Variants in AK9 observed in about 807,000 individuals in gnomAD.
The protein encoded by AK9 is adenylate kinase domain containing 1.
In AK9, 191 loss-of-function variants were observed where a neutral mutation model predicts 239.6. The ratio of observed to expected loss-of-function variants is 0.80; its 90% CI spans 0.71 to 0.90. AK9 has a LOEUF of 0.90. Among genes scored for constraint, AK9 ranks in the 40% least tolerant of loss-of-function variants. AK9 has a pLI of 0.00. For synonymous variants in AK9, 689 were observed against 721.0 expected, an observed-to-expected ratio of 0.96 and a Z score of 0.71; for missense variants, 1,995 against 2,214.7, an observed-to-expected ratio of 0.90 and a Z score of 1.99.
intron 17 of AK9, among the ~76,000 whole-genome samples, chr6:109,598,661 A>G (rs1791423911): frequency 1.3e-5 from 2 of 152,186 alleles, no homozygotes; most frequent in Non-Finnish European, 2.9e-5. Context: ...TGTCTTCCAC[A>G]ATGGTTGAAC....
intron 27 of AK9, among the ~76,000 whole-genome samples, chr6:109,538,127 G>A (rs1161866081): frequency 3.9e-5 from 6 of 152,148 alleles, no homozygotes; most frequent in African/African-American, 1.4e-4. Flanking sequence ...AGGTCCACTT[G>A]GTGTAGAGCT....
At chr6:109,603,235 T>C (rs545252386) in intron 17 of AK9, among the ~76,000 whole-genome samples, 1 of 152,312 alleles carries the variant, frequency 6.6e-6, no homozygotes, top group South Asian at 2.1e-4. Context: ...GATGGTGACG[T>C]ACAGATGAGG....
chr6:109,592,127 A>G (rs1223484285), intron 17 of AK9, among the ~76,000 whole-genome samples: 1 of 149,744 alleles, frequency 6.7e-6, no homozygotes, highest in Non-Finnish European at 1.5e-5. Flanking sequence ...TACATTTTCT[A>G]GGATTTGACA....
intron 24 of AK9, among the ~76,000 whole-genome samples, chr6:109,553,432 T>C (rs930919490): frequency 6.6e-6 from 1 of 152,120 alleles, no homozygotes; most frequent in African/African-American, 2.4e-5. Context: ...TTGTTAGCTG[T>C]ATTCCTAGGT....
At chr6:109,599,201 G>C (rs536231063) in intron 17 of AK9, among the ~76,000 whole-genome samples, 58 of 152,230 alleles carry the variant, frequency 3.8e-4, no homozygotes, top group African/African-American at 1.3e-3. Flanking sequence ...GGTTTTTATG[G>C]TTTTAGGTCT....
At chr6:109,641,125 A>G (rs926100574) in intron 10 of AK9, among the ~76,000 whole-genome samples, 2 of 137,636 alleles carry the variant, frequency 1.5e-5, no homozygotes, top group African/African-American at 5.3e-5. Flanking sequence ...GCCACAACAT[A>G]CATATATATA....
At chr6:109,553,564 T>C (rs904766793) in intron 24 of AK9, among the ~76,000 whole-genome samples, 1 of 152,206 alleles carries the variant, frequency 6.6e-6, no homozygotes, top group African/African-American at 2.4e-5. Context: ...ATCCTGAGAC[T>C]TTGCTGAAGT....
At chr6:109,645,522 G>A (rs1230048335) in intron 8 of AK9, among the ~76,000 whole-genome samples, 1 of 152,216 alleles carries the variant, frequency 6.6e-6, no homozygotes, top group Non-Finnish European at 1.5e-5. Context: ...ATCCGCCATT[G>A]CTGAGGCTTG....
chr6:109,611,359 A>C (rs1279642412), intron 16 of AK9, among the ~76,000 whole-genome samples: 1 of 152,222 alleles, frequency 6.6e-6, no homozygotes, highest in Non-Finnish European at 1.5e-5. Flanking sequence ...GAGCGGGTGC[A>C]TAGTGAAGCA....
At chr6:109,581,466 T>C (rs2128207900) in intron 19 of AK9, among the ~76,000 whole-genome samples, 1 of 152,308 alleles carries the variant, frequency 6.6e-6, no homozygotes, top group East Asian at 1.9e-4. Context: ...ACTATTGATA[T>C]GGAGAAAGTT....
Position 109,633,099 on chromosome 6 carries a change from G to T in AK9, c.1078C>A (p.Leu360Ile). ...SGLPDYSVSFLGKIYCLSSEE... is the reference protein window; with the variant it reads ...SGLPDYSVSFIGKIYCLSSEE... ...GATGAAAGACAGTAGATTTTACCTA[G>T]AAAACTTAAAATATGCCATATTAGT... is the stretch of plus-strand genomic sequence containing the variant. The change falls in exon 12 of 41, where the codon CTA becomes ATA. Residue 360 changes from leucine (L) to isoleucine (I), a missense_variant. By Grantham distance (5) the Leu-to-Ile change is conservative. Coordinates refer to ENST00000424296, the MANE Select transcript of AK9 (RefSeq NM_001145128.3). The T allele has an allele frequency of 1.3e-6, 2 of 1,545,784 alleles. No individual in the cohort carries two copies. The highest frequency in any genetic ancestry group is 1.7e-6 in the Non-Finnish European group (2 of 1,154,164).
Position 109,493,301 on chromosome 6 carries a change from C to T in AK9, c.*68G>A. 1 of 1,509,000 alleles carries T rather than the reference C, an allele frequency of 6.6e-7. No individual in the cohort carries two copies. The highest frequency in any genetic ancestry group is 9.1e-7 in the Non-Finnish European group (1 of 1,100,742). The allele number at this position is 1,509,000 out of a possible 1,614,324, so 93.5% of individuals were successfully genotyped here. ...CCAAGAGGCCCAGATTTTCAATCTA[C>T]TTCTCTCAGTTTCCCTCTATCACTT... On this transcript the variant is annotated 3_prime_UTR_variant, in exon 41 of 41. Coordinates refer to ENST00000424296, the MANE Select transcript of AK9 (RefSeq NM_001145128.3).
At chr6:109,657,884 G>A (rs1160405027) in intron 7 of AK9, among the ~76,000 whole-genome samples, 1 of 152,074 alleles carries the variant, frequency 6.6e-6, no homozygotes, top group Non-Finnish European at 1.5e-5. Flanking sequence ...CACAGGATAA[G>A]TGTTCCATAT....
intron 31 of AK9, among the ~76,000 whole-genome samples, chr6:109,515,580 C>T (rs1210404154): frequency 1.3e-5 from 2 of 152,050 alleles, no homozygotes; most frequent in Non-Finnish European, 2.9e-5. Context: ...AATTCTTGGG[C>T]TAGAGTGAAG....
At chr6:109,576,038 T>C (rs1429269639) in intron 20 of AK9, among the ~76,000 whole-genome samples, 1 of 152,328 alleles carries the variant, frequency 6.6e-6, no homozygotes, top group East Asian at 1.9e-4. Context: ...TATGTGCCAA[T>C]TTTTATAGCA....
intron 10 of AK9, among the ~76,000 whole-genome samples, chr6:109,640,340 G>A (rs999130448): frequency 6.6e-5 from 10 of 152,094 alleles, no homozygotes; most frequent in Non-Finnish European, 8.8e-5. Context: ...AGTCTGTCAC[G>A]GCTTCCCTTG....
At chr6:109,528,692 G>C in intron 29 of AK9, 2 of 479,894 alleles carry the variant, frequency 4.2e-6, no homozygotes, top group Non-Finnish European at 8.2e-6. Context: ...GTGACATGTG[G>C]TTGCACTTGT....
intron 12 of AK9, among the ~76,000 whole-genome samples, chr6:109,627,482 G>A (rs1795680424): frequency 6.6e-6 from 1 of 152,014 alleles, no homozygotes. Context: ...TATACATCTG[G>A]CAGCACAGTA....
At chr6:109,498,085 C>G in intron 36 of AK9, 120 bp from the exon 37 acceptor site, 1 of 905,600 alleles carries the variant, frequency 1.1e-6, no homozygotes, top group Non-Finnish European at 1.7e-6. Flanking sequence ...TGCTGCTCCT[C>G]AAACTGTAAA....
Sources: allele counts gnomAD v4.1 joint callset (sites outside exome capture counted in the v4.1 genomes callset), GRCh38; gene constraint gnomAD v4.1.1; transcripts MANE v1.5; gene names NCBI Gene and HGNC (gene_info 2026-07-23, HGNC 2026-07-21).